The following PPP6R2 variants were observed in gnomAD, a reference collection of about 807,000 sequenced individuals.
PPP6R2 encodes the protein serine/threonine-protein phosphatase 6 regulatory subunit 2.
PPP6R2 carries 62 observed loss-of-function variants against 100.2 expected under a neutral mutation model. The observed-to-expected ratio is 0.62, with a 90% CI of 0.50 to 0.76. The LOEUF (loss-of-function observed/expected upper bound fraction) is 0.76. Ranked by LOEUF, PPP6R2 falls within the 30% of genes least tolerant of loss-of-function variation. The pLI, the probability that PPP6R2 is intolerant of heterozygous loss-of-function variation, is 0.00. For missense variants in PPP6R2, 1,142 were observed against 1,276.3 expected (o/e 0.89, Z 1.60); for synonymous variants, 525 against 514.7 (o/e 1.02, Z -0.27).
At chr22:50,427,994 ATAGG>A (rs2062495064) in intron 10 of PPP6R2, among the ~76,000 whole-genome samples, 1 of 152,222 alleles carries the variant, frequency 6.6e-6, no homozygotes, top group Admixed American at 6.5e-5. Flanking sequence ...TGCTGGGATT[ATAGG>A]CGTGAGCCAC....
At chr22:50,427,328 T>C (rs1188399475) in intron 10 of PPP6R2, among the ~76,000 whole-genome samples, 2 of 152,182 alleles carry the variant, frequency 1.3e-5, no homozygotes, top group African/African-American at 4.8e-5. Flanking sequence ...AAGTGATAAG[T>C]GTGAGTTTTC....
intron 22 of PPP6R2, among the ~76,000 whole-genome samples, chr22:50,442,179 CT>C (rs1359869937): frequency 2.6e-5 from 4 of 152,218 alleles, no homozygotes; most frequent in East Asian, 3.8e-4. Context: ...CTGTACTACC[CT>C]TCCCCCACAG....
At chr22:50,422,173 AG>A in intron 8 of PPP6R2, 80 bp from the exon 9 acceptor site, 1 of 1,535,706 alleles carries the variant, frequency 6.5e-7, no homozygotes, top group Non-Finnish European at 8.8e-7. Flanking sequence ...TCTTTCTGGA[AG>A]AAGCGGGTGC....
intron 2 of PPP6R2, chr22:50,391,987 C>T (rs887185231): frequency 3.2e-4 from 48 of 149,566 alleles, no homozygotes; most frequent in African/African-American, 1.1e-3. Context: ...GTTGGATTCA[C>T]TTCTTTCCCT....
At chr22:50,381,074 A>G (rs1034376253) in intron 2 of PPP6R2, among the ~76,000 whole-genome samples, 2 of 148,332 alleles carry the variant, frequency 1.3e-5, no homozygotes, top group Non-Finnish European at 3.0e-5. Context: ...AGATCACGCC[A>G]TTGCACTCCA....
intron 2 of PPP6R2, among the ~76,000 whole-genome samples, chr22:50,387,907 C>T (rs8142016): frequency 0.38 from 57,721 of 152,042 alleles, 11,291 homozygotes; most frequent in South Asian, 0.62. Context: ...CAGGGGATGT[C>T]GATGCTGCAT....
chr22:50,392,024 G>A (rs1175072787), intron 2 of PPP6R2: 2 of 151,608 alleles, frequency 1.3e-5, no homozygotes, highest in Non-Finnish European at 2.9e-5. Context: ...AAGTACGTGA[G>A]ACATCTGGTA....
Position 50,406,880 on chromosome 22 carries a change from A to G in PPP6R2, c.414+5A>G, listed in dbSNP as rs773346424. ...ATTGCAAGAAAAACCGAACAGGTAA[A>G]TCACGTGCAAAGCCTCCGTGACTTG... is the stretch of plus-strand genomic sequence containing the variant. On this transcript the variant is annotated splice_donor_5th_base_variant and intron_variant, in intron 4 of 23. Transcript: ENST00000612753. The G allele has an allele frequency of 6.2e-7, 1 of 1,611,912 alleles. No individual in the cohort carries two copies. Among genetic ancestry groups the G allele is most frequent in the Admixed American group, 1.7e-5 (1 of 60,014 alleles).
chr22:50,382,171 A>C (rs1290090991), intron 2 of PPP6R2, among the ~76,000 whole-genome samples: 2 of 152,224 alleles, frequency 1.3e-5, no homozygotes, highest in African/African-American at 4.8e-5. Context: ...AAGAATTTAA[A>C]AGGAAGAAAC....
Position 50,422,318 on chromosome 22 carries a change from G to T in PPP6R2, c.910G>T (p.Val304Leu). 6.2e-7 allele frequency: 1 copy of T among 1,614,110 alleles called. No individual in the cohort carries two copies. The highest frequency in any genetic ancestry group is 8.5e-7 in the Non-Finnish European group (1 of 1,180,004). ...AAGGTCATACGCTGTCAGCAGCAGCGTACTACACGGCATCGAGCCTCGGCT... is the reference window on the plus strand; with the variant it reads ...AAGGTCATACGCTGTCAGCAGCAGCTTACTACACGGCATCGAGCCTCGGCT... ...LERSYAVSSS[V>L]LHGIEPRLKD... Residue 304 changes from valine (V) to leucine (L), a missense_variant, in exon 9 of 24, where the codon GTA (valine) becomes TTA (leucine). Coordinates refer to ENST00000612753, the MANE Select transcript of PPP6R2 (RefSeq NM_001242898.2).
At chr22:50,410,020 A>C (rs1342952170) in intron 4 of PPP6R2, among the ~76,000 whole-genome samples, 1 of 152,116 alleles carries the variant, frequency 6.6e-6, no homozygotes, top group Non-Finnish European at 1.5e-5. Context: ...GAGCCACTGC[A>C]CACGGCCTAT....
At position 50,444,380 on chromosome 22, in the gene PPP6R2, C is replaced by T; in HGVS notation, c.*133C>T. On this transcript the variant is annotated 3_prime_UTR_variant, in exon 24 of 24. Coordinates refer to ENST00000612753, the MANE Select transcript of PPP6R2 (RefSeq NM_001242898.2). ...ATAAATGCTGCATTGGTAAAGCTGG[C>T]AGTTGAAACCAGTTGGACGGCCCAG... The T allele has an allele frequency of 8.6e-7, 1 of 1,165,704 alleles. No homozygotes were observed. The highest frequency in any genetic ancestry group is 1.2e-6 in the Non-Finnish European group (1 of 828,748). The allele number at this position is 1,165,704 out of a possible 1,614,324, so 72.2% of individuals were successfully genotyped here.
intron 2 of PPP6R2, among the ~76,000 whole-genome samples, chr22:50,376,072 A>G (rs1356369941): frequency 6.6e-6 from 1 of 151,764 alleles, no homozygotes; most frequent in East Asian, 1.9e-4. Flanking sequence ...ACCTCAGGTG[A>G]TCCGCCTGCA....
intron 4 of PPP6R2, among the ~76,000 whole-genome samples, chr22:50,412,766 C>T (rs750512666): frequency 5.3e-5 from 8 of 149,568 alleles, no homozygotes; most frequent in South Asian, 2.1e-4. Flanking sequence ...CTCAGCCTCC[C>T]GAGTAGCTGG....
chr22:50,419,509 A>G, intron 8 of PPP6R2, 47 bp downstream of exon 8: 1 of 1,353,016 alleles, frequency 7.4e-7, no homozygotes, highest in East Asian at 2.3e-5. Flanking sequence ...TTGACGCCTC[A>G]GTGATATGGC....
At chr22:50,356,305 CTT>C (rs542422707) in intron 1 of PPP6R2, among the ~76,000 whole-genome samples, 29 of 135,238 alleles carry the variant, frequency 2.1e-4, no homozygotes, top group Admixed American at 3.8e-4. Flanking sequence ...TCTATTTTTC[CTT>C]TTTTTTTTTT....
rs1387747974 is a variant in PPP6R2, at chr22:50,347,691, CCT to C, written c.-148+4144_-148+4145del. Among the ~76,000 whole-genome samples, 8 of 152,120 alleles carry C rather than the reference CCT, an allele frequency of 5.3e-5. No homozygotes were observed. In the East Asian group the frequency reaches 1.4e-3, roughly 26 times the overall value. ...TAGTCCCTGCCTTTCACTGCAGCCC[CCT>C]CTTTGTCACTGTACCCACTGATTTT... is the stretch of plus-strand genomic sequence containing the variant. On this transcript the variant is annotated intron_variant, in intron 1 of 23. Transcript: ENST00000612753.
chr22:50,436,376 C>A lies in PPP6R2; in HGVS notation c.1526C>A (p.Ala509Glu). ...AGCACTTCCCTTGCAGGGCTCCCTG[C>A]GGACTGCCGTGGCCGCTGGGAGAGC... Reference protein sequence around the residue: ...HISEVIRGLPADCRGRWESFV... With the variant: ...HISEVIRGLPEDCRGRWESFV... The change falls in exon 14 of 24, where the codon GCG becomes GAG. Residue 509 changes from alanine to glutamate, a missense_variant. Around this residue, in one of 2 missense-constraint regions of PPP6R2, gnomAD observed 592 missense variants for 758.9 expected, o/e 0.78. Transcript: ENST00000612753. 2 of 1,576,802 alleles carry A rather than the reference C, an allele frequency of 1.3e-6. No individual in the cohort carries two copies. The highest frequency in any genetic ancestry group is 1.7e-6 in the Non-Finnish European group (2 of 1,162,134).
intron 16 of PPP6R2, 31 bp downstream of exon 16, chr22:50,437,634 G>C (rs376040567): frequency 6.5e-7 from 1 of 1,549,130 alleles, no homozygotes; most frequent in Admixed American, 1.7e-5. Context: ...CTCTGCACGA[G>C]GCGCGGCTCT....
Sources: gnomAD v4.1 joint callset for allele counts (sites outside exome capture counted in the v4.1 genomes callset) on GRCh38, gnomAD v4.1.1 for gene constraint, gnomAD v4.1.1 regional missense constraint, MANE v1.5 for transcripts, NCBI Gene and HGNC (gene_info 2026-07-23, HGNC 2026-07-21) for gene names.